The following FBXW7 variants were observed in gnomAD, a reference collection of about 807,000 sequenced individuals.
FBXW7 encodes the protein F-box and WD repeat domain containing 7.
In FBXW7, 11 loss-of-function variants were observed where a neutral mutation model predicts 86.3. The observed-to-expected ratio is 0.13, with a 90% CI of 0.08 to 0.21. The LOEUF (loss-of-function observed/expected upper bound fraction) is 0.21, where lower values mean the gene tolerates loss of function less well. Ranked by LOEUF, FBXW7 falls within the 10% of genes least tolerant of loss-of-function variation. The probability of loss-of-function intolerance (pLI) is 1.00; values close to 1 mark genes in which losing one functional copy is unlikely to be tolerated. For synonymous variants in FBXW7, 313 were observed against 297.9 expected, an observed-to-expected ratio of 1.05 and a Z score of -0.52; for missense variants, 488 against 847.4, an observed-to-expected ratio of 0.58 and a Z score of 5.27.
At chr4:152,410,800 TG>T (rs1737878427) in intron 4 of FBXW7, among the ~76,000 whole-genome samples, 1 of 152,188 alleles carries the variant, frequency 6.6e-6, no homozygotes, top group African/African-American at 2.4e-5. Context: ...TAGTTTAACT[TG>T]TAAGTCTACT....
intron 2 of FBXW7, among the ~76,000 whole-genome samples, chr4:152,468,194 G>T (rs1195647707): frequency 6.6e-6 from 1 of 151,904 alleles, no homozygotes; most frequent in Non-Finnish European, 1.5e-5. Context: ...CATTGTTGGT[G>T]GTATTGTAAA....
At chr4:152,358,024 T>C (rs1732566670) in intron 4 of FBXW7, among the ~76,000 whole-genome samples, 1 of 152,188 alleles carries the variant, frequency 6.6e-6, no homozygotes, top group Admixed American at 6.5e-5. Flanking sequence ...CAAGTCACCC[T>C]GGAGTTTACT....
intron 2 of FBXW7, among the ~76,000 whole-genome samples, chr4:152,430,254 C>T (rs1310094716): frequency 6.6e-6 from 1 of 152,102 alleles, no homozygotes; most frequent in Non-Finnish European, 1.5e-5. Context: ...ACCAACAATG[C>T]TTTCTCTTAG....
At chr4:152,324,601 AG>A (rs1728841375) in intron 12 of FBXW7, 4 of 511,536 alleles carry the variant, frequency 7.8e-6, no homozygotes, top group Admixed American at 3.6e-5. Flanking sequence ...TCTATCAGAA[AG>A]GCTCATCTTT....
intron 2 of FBXW7, among the ~76,000 whole-genome samples, chr4:152,418,586 CTG>C (rs1350234631): frequency 1.3e-5 from 2 of 152,080 alleles, no homozygotes; most frequent in Non-Finnish European, 2.9e-5. Flanking sequence ...AATGTTCTGA[CTG>C]TGAAAATTTG....
chr4:152,469,567 G>T (rs1442601183), intron 2 of FBXW7, among the ~76,000 whole-genome samples: 2 of 152,068 alleles, frequency 1.3e-5, no homozygotes, highest in Non-Finnish European at 2.9e-5. Context: ...ATACAAGGAG[G>T]AGTCAAGCAA....
At chr4:152,525,013 G>T (rs1392090740) in intron 2 of FBXW7, among the ~76,000 whole-genome samples, 5 of 152,070 alleles carry the variant, frequency 3.3e-5, no homozygotes, top group Non-Finnish European at 5.9e-5. Flanking sequence ...TAATCAGGAA[G>T]AAATCAAATA....
At chr4:152,506,390 C>G (rs1242063761) in intron 2 of FBXW7, among the ~76,000 whole-genome samples, 1 of 152,224 alleles carries the variant, frequency 6.6e-6, no homozygotes, top group African/African-American at 2.4e-5. Flanking sequence ...CTCAGCCTCC[C>G]AAAGTGTTGG....
intron 2 of FBXW7, among the ~76,000 whole-genome samples, chr4:152,486,269 T>C (rs1403892930): frequency 6.6e-6 from 1 of 152,186 alleles, no homozygotes; most frequent in East Asian, 1.9e-4. Flanking sequence ...TTTGTAAATA[T>C]ACACTCAAAC....
intron 4 of FBXW7, among the ~76,000 whole-genome samples, chr4:152,386,637 T>G (rs1368996773): frequency 1.3e-5 from 2 of 152,114 alleles, no homozygotes; most frequent in African/African-American, 4.8e-5. Context: ...TCTGTCAAAA[T>G]TTTTGCCAAA....
intron 4 of FBXW7, among the ~76,000 whole-genome samples, chr4:152,373,484 C>T (rs1399498058): frequency 1.3e-5 from 2 of 151,980 alleles, no homozygotes; most frequent in Admixed American, 6.6e-5. Flanking sequence ...AAGTTCTCTA[C>T]TCTAGGTGCT....
At chr4:152,410,538 G>A (rs565075306) in intron 4 of FBXW7, among the ~76,000 whole-genome samples, 2 of 152,200 alleles carry the variant, frequency 1.3e-5, no homozygotes, top group African/African-American at 4.8e-5. Context: ...AGAAAGTAAG[G>A]TTTTACAAGC....
chr4:152,532,746 T>C (rs1188145614), intron 2 of FBXW7, among the ~76,000 whole-genome samples: 24 of 152,214 alleles, frequency 1.6e-4, no homozygotes, highest in Non-Finnish European at 3.4e-4. Flanking sequence ...CAGTGCGGTC[T>C]TAGATAAATA....
rs10020844 is a variant in FBXW7, at chr4:152,384,812, T to C, written c.501+26491A>G. 6.6e-3 allele frequency among the ~76,000 whole-genome samples: 1,004 copies of C among 152,024 alleles called. 7 individuals are homozygous for C. The highest frequency in any genetic ancestry group is 0.023 in the African/African-American group (967 of 41,496). On this transcript the variant is annotated intron_variant, in intron 4 of 13. Transcript: ENST00000281708. ...AGAGAGAAGAGATAATATGAGAGTG[T>C]TGGAAACCTATAAACTGGTAGTAGA...
chr4:152,369,900 AAC>A (rs1266417678), intron 4 of FBXW7, among the ~76,000 whole-genome samples: 2 of 152,020 alleles, frequency 1.3e-5, no homozygotes, highest in East Asian at 3.8e-4. Flanking sequence ...GATTTTGTAT[AAC>A]ACATGTAAGA....
At chr4:152,484,482 C>A (rs1041023550) in intron 2 of FBXW7, among the ~76,000 whole-genome samples, 1 of 151,754 alleles carries the variant, frequency 6.6e-6, no homozygotes, top group South Asian at 2.1e-4. Flanking sequence ...GCTACACATA[C>A]AAGGGGAAAA....
intron 6 of FBXW7, among the ~76,000 whole-genome samples, chr4:152,346,094 T>A (rs1731236300): frequency 1.3e-5 from 2 of 152,310 alleles, no homozygotes; most frequent in South Asian, 4.1e-4. Context: ...GTATATGCAT[T>A]ATCTTACTGG....
intron 6 of FBXW7, among the ~76,000 whole-genome samples, chr4:152,343,967 G>C (rs1731000788): frequency 6.6e-6 from 1 of 152,004 alleles, no homozygotes; most frequent in South Asian, 2.1e-4. Flanking sequence ...AGAATAGATG[G>C]AACTGGACCA....
intron 2 of FBXW7, among the ~76,000 whole-genome samples, chr4:152,492,079 T>C (rs1745909303): frequency 6.6e-6 from 1 of 152,166 alleles, no homozygotes; most frequent in Non-Finnish European, 1.5e-5. Context: ...GCAACCTTTG[T>C]TCTGTTTTTA....
Sources: allele counts gnomAD v4.1 joint callset (sites outside exome capture counted in the v4.1 genomes callset), GRCh38; gene constraint gnomAD v4.1.1; transcripts MANE v1.5; gene names NCBI Gene and HGNC (gene_info 2026-07-23, HGNC 2026-07-21).